Variants in CCR10 observed in about 807,000 individuals in gnomAD.
CCR10 encodes C-C motif chemokine receptor 10, also known as C-C chemokine receptor type 10.
CCR10 carries 11 observed loss-of-function variants against 11.9 expected under a neutral mutation model. The ratio of observed to expected loss-of-function variants is 0.92; its 90% CI spans 0.58 to 1.53. The LOEUF is 1.53. Among genes scored for constraint, CCR10 ranks in the 40% most tolerant of loss-of-function variants. The pLI is 0.00. For synonymous variants in CCR10, 224 were observed against 245.4 expected, an observed-to-expected ratio of 0.91 and a Z score of 0.81; for missense variants, 428 against 496.6, an observed-to-expected ratio of 0.86 and a Z score of 1.31.
chr17:42,680,067 C>T lies in CCR10; in HGVS notation c.575G>A (p.Arg192His). The T allele has an allele frequency of 1.9e-6, 3 of 1,604,568 alleles. No homozygotes were observed. Among genetic ancestry groups the T allele is most frequent in the Non-Finnish European group, 1.7e-6 (2 of 1,177,938 alleles). The change falls in exon 2 of 2, where the codon CGC becomes CAC. Residue 192 changes from arginine to histidine, a missense_variant. Physicochemically the swap from Arg to His is conservative, Grantham distance 29. Transcript: ENST00000332438. The stretch of plus-strand genomic sequence containing the variant: ...CGTGAGGCCCTCGGGGAAGATGAGG[C>T]GACAGCGTCGTTGGCCTTCCCGCTG... ...DGQREGQRRCRLIFPEGLTQT... is the reference protein window; with the variant it reads ...DGQREGQRRCHLIFPEGLTQT...
Position 42,680,280 on chromosome 17 carries a change from G to C in CCR10, c.362C>G (p.Ser121Trp). The C allele has an allele frequency of 6.4e-7, 1 of 1,564,842 alleles. No homozygotes were observed. The highest frequency in any genetic ancestry group is 8.7e-7 in the Non-Finnish European group (1 of 1,154,936). Residue 121 changes from serine (S) to tryptophan (W), a missense_variant, in exon 2 of 2, where the codon TCG becomes TGG. Ser to Trp is a radical substitution (Grantham distance 177). Coordinates refer to ENST00000332438, the MANE Select transcript of CCR10 (RefSeq NM_016602.3). The stretch of plus-strand genomic sequence containing the variant: ...GAGGAAGCCGGCGTGGAAGGAGGCC[G>C]AGTAGAGGCCAGAGATGGTGCGGCA... ...ATCRTISGLY[S>W]ASFHAGFLFL...
Position 42,679,253 on chromosome 17 carries a change from C to G in CCR10, c.*300G>C, listed in dbSNP as rs2052899077. 3.3e-6 allele frequency: 1 copy of G among 302,456 alleles called. No homozygotes were observed. Among genetic ancestry groups the G allele is most frequent in the African/African-American group, 2.1e-5 (1 of 46,536 alleles). 18.7% of individuals were successfully genotyped at this position (302,456 alleles called of 1,614,324 possible). On this transcript the variant is annotated 3_prime_UTR_variant, in exon 2 of 2. Coordinates refer to ENST00000332438, the MANE Select transcript of CCR10 (RefSeq NM_016602.3). Reference sequence around the variant, plus strand: ...CTAGAGCTTTAGCAGACTCAGCAGCCCCCCACCCCCACCCAGGCCCTCAGC... The same window carrying G: ...CTAGAGCTTTAGCAGACTCAGCAGCGCCCCACCCCCACCCAGGCCCTCAGC...
At chr17:42,681,769 C>T (rs766948519) in intron 1 of CCR10, 31 bp downstream of exon 1, 28 of 1,511,904 alleles carry the variant, frequency 1.9e-5, no homozygotes, top group Non-Finnish European at 2.6e-5. Context: ...CTCTCTGTAA[C>T]CCTTCTCCCC....
At chr17:42,681,016 T>A (rs889216442) in intron 1 of CCR10, among the ~76,000 whole-genome samples, 3 of 151,808 alleles carry the variant, frequency 2.0e-5, no homozygotes, top group East Asian at 1.9e-4. Context: ...ATTATTATTA[T>A]TTATTATTAT....
intron 1 of CCR10, 74 bp downstream of exon 1, chr17:42,681,726 G>A: frequency 1.8e-6 from 2 of 1,108,912 alleles, no homozygotes; most frequent in East Asian, 2.3e-5. Context: ...CCCATTGCCA[G>A]GTGGGGAATC....
intron 1 of CCR10, 72 bp downstream of exon 1, chr17:42,681,728 T>G (rs1301610149): frequency 3.6e-6 from 4 of 1,115,136 alleles, no homozygotes; most frequent in Non-Finnish European, 4.1e-6. Context: ...CATTGCCAGG[T>G]GGGGAATCCC....
chr17:42,681,019 A>T (rs1053825104), intron 1 of CCR10, among the ~76,000 whole-genome samples: 3 of 150,748 alleles, frequency 2.0e-5, no homozygotes, highest in African/African-American at 5.0e-5. Context: ...ATTATTATTT[A>T]TTATTATTAT....
In CCR10 at chr17:42,680,418, G is replaced by C; in HGVS notation, c.224C>G (p.Ser75Trp). The C allele has an allele frequency of 6.4e-7, 1 of 1,569,570 alleles. No individual in the cohort carries two copies. The highest frequency in any genetic ancestry group is 8.6e-7 in the Non-Finnish European group (1 of 1,157,614). Reference sequence around the variant, plus strand: ...CTGGAGCAGGTGGGCAGAGGTGGGCGAGCGCGCTGCGCGTCGGGCTGCCAG... The same window carrying C: ...CTGGAGCAGGTGGGCAGAGGTGGGCCAGCGCGCTGCGCGTCGGGCTGCCAG... ...THLAARRAAR[S>W]PTSAHLLQLA... Residue 75 changes from serine to tryptophan, a missense_variant, in exon 2 of 2, where the codon TCG (serine) becomes TGG (tryptophan). Physicochemically the swap from Ser to Trp is radical, Grantham distance 177. Coordinates refer to ENST00000332438, the MANE Select transcript of CCR10 (RefSeq NM_016602.3).
At position 42,681,481 on chromosome 17, in the gene CCR10, C is replaced by T. The variant is rs2143638067; in HGVS notation, c.24+319G>A. 3 of 472,794 alleles carry T rather than the reference C, an allele frequency of 6.3e-6. No individual in the cohort carries two copies. The South Asian group carries it at 7.6e-5, about 12-fold the overall frequency. 29.3% of individuals were successfully genotyped at this position (472,794 alleles called of 1,614,324 possible). The stretch of plus-strand genomic sequence containing the variant: ...TTCTTTCCCTTCCATACCCACCTTC[C>T]CTGTACCTCCAATACCAGCACACTG... On this transcript the variant is annotated intron_variant, in intron 1 of 1. Coordinates refer to ENST00000332438, the MANE Select transcript of CCR10 (RefSeq NM_016602.3).
intron 1 of CCR10, among the ~76,000 whole-genome samples, chr17:42,680,869 G>A (rs1194169016): frequency 1.3e-5 from 2 of 152,116 alleles, no homozygotes; most frequent in African/African-American, 2.4e-5. Flanking sequence ...CTAGACCTCA[G>A]TTACCTAACC....
intron 1 of CCR10, chr17:42,681,431 C>T (rs1264913471): frequency 9.1e-6 from 3 of 330,144 alleles, no homozygotes; most frequent in African/African-American, 2.2e-5. Flanking sequence ...CTCCAACCTC[C>T]GTCTGGAGTG....
At chr17:42,680,694 C>A in intron 1 of CCR10, 77 bp from the exon 2 acceptor site, 1 of 1,031,118 alleles carries the variant, frequency 9.7e-7, no homozygotes, top group Non-Finnish European at 1.4e-6. Flanking sequence ...ACTTGCCTTC[C>A]AAGCTGAGAG....
Position 42,680,321 on chromosome 17 carries a change from A to C in CCR10, c.321T>G (p.Ser107Arg). Residue 107 changes from serine to arginine, a missense_variant, in exon 2 of 2, where the codon AGT becomes AGG. By Grantham distance (110) the Ser-to-Arg change is moderately radical. Transcript: ENST00000332438. ...TGGTGCGGCAGGTGGCACTTCCCAG[A>C]CTCCAGCCCTGAAGAGCCCCTGCTG... ...FAAAGALQGW[S>R]LGSATCRTIS... 6.4e-7 allele frequency: 1 copy of C among 1,552,786 alleles called. No homozygotes were observed. The highest frequency in any genetic ancestry group is 8.7e-7 in the Non-Finnish European group (1 of 1,148,396).
rs533458025 is a variant in CCR10, at chr17:42,680,678, G to GT, written c.25-62_25-61insA. 191 of 1,160,608 alleles carry GT rather than the reference G, an allele frequency of 1.6e-4. 3 individuals are homozygous for GT. In the Admixed American group the frequency reaches 4.2e-3, roughly 26 times the overall value. 71.9% of individuals were successfully genotyped at this position (1,160,608 alleles called of 1,614,324 possible). A position where few individuals can be genotyped will look rare whatever the true frequency, so the allele number is the denominator to read the frequency against. On this transcript the variant is annotated intron_variant, in intron 1 of 1. Transcript: ENST00000332438. ...ACACATCTGACCACACAACTCCCCCGCCCACACTTGCCTTCCAAGCTGAGA... is the reference window on the plus strand; with the variant it reads ...ACACATCTGACCACACAACTCCCCCGTCCCACACTTGCCTTCCAAGCTGAGA...
rs990005028 is a variant in CCR10 at position 42,680,359 on chromosome 17, G to C, written c.283C>G (p.Leu95Val). The C allele has an allele frequency of 1.9e-6, 3 of 1,554,622 alleles. No individual in the cohort carries two copies. In the African/African-American group the frequency reaches 4.1e-5, roughly 21 times the overall value. ...ALADLLLALT[L>V]PFAAAGALQG... is the part of the protein sequence containing the mutation. ...AGAGCCCCTGCTGCCGCGAAGGGCA[G>C]AGTCAGGGCCAGCAAGAGGTCGGCC... The change falls in exon 2 of 2, where the codon CTG (leucine) becomes GTG (valine). Residue 95 changes from leucine to valine, a missense_variant. Coordinates refer to ENST00000332438, the MANE Select transcript of CCR10 (RefSeq NM_016602.3).
Position 42,679,316 on chromosome 17 carries a change from G to A in CCR10, c.*237C>T, listed in dbSNP as rs2052899977. 5.3e-6 allele frequency: 2 copies of A among 379,638 alleles called. No individual in the cohort carries two copies. The highest frequency in any genetic ancestry group is 9.1e-5 in the Admixed American group (2 of 21,918). 23.5% of individuals were successfully genotyped at this position (379,638 alleles called of 1,614,324 possible). On this transcript the variant is annotated 3_prime_UTR_variant, in exon 2 of 2. Coordinates refer to ENST00000332438, the MANE Select transcript of CCR10 (RefSeq NM_016602.3). ...GAGAGCCAAGCGCGGGGCAGGGCGG[G>A]GGGTGGGGCGGGGGCGGGGTGTTAA...
chr17:42,681,770 C>A (rs750427519), intron 1 of CCR10, 30 bp downstream of exon 1: 1 of 1,521,670 alleles, frequency 6.6e-7, no homozygotes, highest in Middle Eastern at 1.7e-4. Context: ...TCTCTGTAAC[C>A]CTTCTCCCCC....
In CCR10 at chr17:42,680,471, G is replaced by A. The variant is rs1334637983; in HGVS notation, c.171C>T (p.Ala57=). ...VSLTVAALGL[A]GNGLVLATHL... is the part of the protein sequence containing the mutation. ...GGGTGGCCAGGACCAGGCCATTGCC[G>A]GCCAGACCCAGCGCAGCCACGGTCA... The change falls in exon 2 of 2, where the codon GCC becomes GCT. Residue 57 remains alanine (A), a synonymous_variant. Transcript: ENST00000332438. 3 of 1,606,902 alleles carry A rather than the reference G, an allele frequency of 1.9e-6. No homozygotes were observed. The highest frequency in any genetic ancestry group is 2.5e-6 in the Non-Finnish European group (3 of 1,177,076).
chr17:42,680,043 G>C lies in CCR10; in HGVS notation c.599C>G (p.Thr200Arg). ...RCRLIFPEGLTQTVKGASAVA... is the reference protein window; with the variant it reads ...RCRLIFPEGLRQTVKGASAVA... ...GGCGCTCGCCCCCTTCACCGTCTGC[G>C]TGAGGCCCTCGGGGAAGATGAGGCG... is the stretch of plus-strand genomic sequence containing the variant. The change falls in exon 2 of 2, where the codon ACG (threonine) becomes AGG (arginine). Residue 200 changes from threonine (T) to arginine (R), a missense_variant. Coordinates refer to ENST00000332438, the MANE Select transcript of CCR10 (RefSeq NM_016602.3). 1.3e-6 allele frequency: 2 copies of C among 1,596,070 alleles called. No individual in the cohort carries two copies. The highest frequency in any genetic ancestry group is 1.7e-6 in the Non-Finnish European group (2 of 1,175,152).
Sources: gnomAD v4.1 joint callset for allele counts (sites outside exome capture counted in the v4.1 genomes callset) on GRCh38, gnomAD v4.1.1 for gene constraint, MANE v1.5 for transcripts, NCBI Gene and HGNC (gene_info 2026-07-23, HGNC 2026-07-21) for gene names.